The following PTK2 variants were observed in gnomAD, a reference collection of about 807,000 sequenced individuals.
The protein encoded by PTK2 is focal adhesion kinase 1.
In PTK2, 45 loss-of-function variants were observed where a neutral mutation model predicts 150.1. That is an observed-to-expected ratio of 0.30 (90% confidence interval 0.24 to 0.38). PTK2 has a LOEUF of 0.38. Ranked by LOEUF, PTK2 falls within the 10% of genes least tolerant of loss-of-function variation. PTK2 has a pLI of 1.00. For synonymous variants in PTK2, 432 were observed against 449.2 expected, an observed-to-expected ratio of 0.96 and a Z score of 0.48; for missense variants, 919 against 1,307.3, an observed-to-expected ratio of 0.70 and a Z score of 4.58.
intron 26 of PTK2, among the ~76,000 whole-genome samples, chr8:140,695,560 G>A (rs1357473245): frequency 6.6e-6 from 1 of 152,068 alleles, no homozygotes; most frequent in Non-Finnish European, 1.5e-5. Context: ...ACAGGAGAGT[G>A]CCACCACGCC....
In PTK2 at chr8:140,725,844, CAAA is replaced by C. The variant is rs551800761; in HGVS notation, c.2031-8138_2031-8136del. On this transcript the variant is annotated intron_variant, in intron 22 of 31. Transcript: ENST00000522684. ...ATATAATCTAACATTCCTTGATATACAAAAAAAAAAAAAACCCATAAAAATGTG... is the reference window on the plus strand; with the variant it reads ...ATATAATCTAACATTCCTTGATATACAAAAAAAAAAACCCATAAAAATGTG... 9.5e-3 allele frequency among the ~76,000 whole-genome samples: 664 copies of C among 69,924 alleles called. 3 individuals are homozygous for C. The highest frequency in any genetic ancestry group is 0.032 in the African/African-American group (626 of 19,634). The allele number at this position is 69,924 out of a possible 152,430, so 45.9% of individuals were successfully genotyped here. A position where few individuals can be genotyped will look rare whatever the true frequency, so the allele number is the denominator to read the frequency against.
rs1181421194 is a variant in PTK2, at chr8:140,693,564, T to TTAAAAAAAAAAAAAAAAAAAAAA, written c.2500-6871_2500-6870insTTTTTTTTTTTTTTTTTTTTTTA. On this transcript the variant is annotated intron_variant, in intron 26 of 31. Transcript: ENST00000522684. Reference sequence around the variant, plus strand: ...CCACAGAGTGAGACTTTGTCTCAATTAAAAAAAAAAAAAAAAAAAAAAAAA... The same window carrying TTAAAAAAAAAAAAAAAAAAAAAA: ...CCACAGAGTGAGACTTTGTCTCAATTTAAAAAAAAAAAAAAAAAAAAAAAAAAAAAAAAAAAAAAAAAAAAAAA... Among the ~76,000 whole-genome samples, 2 of 72,458 alleles carry TTAAAAAAAAAAAAAAAAAAAAAA rather than the reference T, an allele frequency of 2.8e-5. 1 individual carries two copies. The highest frequency in any genetic ancestry group is 1.2e-4 in the African/African-American group (2 of 16,620). The allele number at this position is 72,458 out of a possible 152,430, so 47.5% of individuals were successfully genotyped here.
intron 2 of PTK2, among the ~76,000 whole-genome samples, chr8:140,910,739 T>C (rs933262344): frequency 1.3e-5 from 2 of 152,192 alleles, no homozygotes; most frequent in African/African-American, 4.8e-5. Context: ...ATGAAGTGAC[T>C]GGACATCTCA....
intron 22 of PTK2, among the ~76,000 whole-genome samples, chr8:140,729,660 A>AT (rs760002916): frequency 3.9e-5 from 6 of 152,200 alleles, no homozygotes; most frequent in South Asian, 4.2e-4. Flanking sequence ...CTGTAATAGT[A>AT]TTTTTTTCCT....
rs1199488380 is a variant in PTK2, at chr8:140,717,579, G to C, written c.2142+19C>G. The C allele has an allele frequency of 6.3e-7, 1 of 1,577,770 alleles. No individual in the cohort carries two copies. The highest frequency in any genetic ancestry group is 8.7e-7 in the Non-Finnish European group (1 of 1,147,078). The stretch of plus-strand genomic sequence containing the variant: ...GTTAGTAAGAGTAACCCCAAAGTTG[G>C]GGTGGGGACTGTAGCTACCTTGGGC... On this transcript the variant is annotated intron_variant, in intron 23 of 31. Coordinates refer to ENST00000522684, the Ensembl canonical transcript of PTK2.
At chr8:140,669,596 C>T in intron 29 of PTK2, 131 bp downstream of exon 33, 3 of 962,426 alleles carry the variant, frequency 3.1e-6, no homozygotes, top group Non-Finnish European at 4.7e-6. Flanking sequence ...ATCTGTCAGT[C>T]ATGAGAGGTG....
At chr8:140,752,781 A>T (rs954108340) in intron 16 of PTK2, among the ~76,000 whole-genome samples, 37 of 152,180 alleles carry the variant, frequency 2.4e-4, no homozygotes, top group African/African-American at 8.9e-4. Flanking sequence ...TATGAGGGGG[A>T]CCTCACTGAG....
chr8:140,870,769 T>C (rs1238230075), intron 4 of PTK2, among the ~76,000 whole-genome samples: 3 of 152,362 alleles, frequency 2.0e-5, no homozygotes, highest in Non-Finnish European at 4.4e-5. Context: ...AATTTTGTCA[T>C]GATATTTAAT....
intron 30 of PTK2, among the ~76,000 whole-genome samples, chr8:140,665,929 G>T (rs890351720): frequency 2.0e-5 from 3 of 152,214 alleles, no homozygotes; most frequent in African/African-American, 7.2e-5. Context: ...TTAAAAAAGT[G>T]AACCAGAATG....
intron 14 of PTK2, among the ~76,000 whole-genome samples, chr8:140,782,766 A>C (rs2100082577): frequency 6.6e-6 from 1 of 152,186 alleles, no homozygotes; most frequent in African/African-American, 2.4e-5. Flanking sequence ...ACTAGAGTGT[A>C]AAACTAGACA....
intron 5 of PTK2, among the ~76,000 whole-genome samples, chr8:140,855,314 C>A (rs895566833): frequency 2.0e-5 from 3 of 151,878 alleles, no homozygotes; most frequent in African/African-American, 7.3e-5. Context: ...AGGGGGGGGT[C>A]GCCACGTGTG....
At chr8:140,670,477 A>C (rs1372982860) in intron 29 of PTK2, among the ~76,000 whole-genome samples, 24 of 67,176 alleles carry the variant, frequency 3.6e-4, no homozygotes, top group African/African-American at 8.4e-4. Flanking sequence ...AAAAAAAAAA[A>C]AAAAAACAAC....
intron 2 of PTK2, among the ~76,000 whole-genome samples, chr8:140,906,703 T>A (rs1300465783): frequency 6.6e-6 from 1 of 152,048 alleles, no homozygotes; most frequent in Admixed American, 6.6e-5. Flanking sequence ...GGTTAAGGGG[T>A]ACAAAAATAT....
chr8:140,898,564 G>A (rs989167307), intron 2 of PTK2, among the ~76,000 whole-genome samples: 3 of 152,138 alleles, frequency 2.0e-5, no homozygotes, highest in African/African-American at 4.8e-5. Context: ...TCCAAGTCCA[G>A]ATGTGAAGAA....
chr8:140,723,603 T>C (rs1370383081), intron 22 of PTK2, among the ~76,000 whole-genome samples: 1 of 152,200 alleles, frequency 6.6e-6, no homozygotes, highest in African/African-American at 2.4e-5. Flanking sequence ...TTTCCCAAAC[T>C]ATAAATATTT....
At chr8:140,710,360 T>C (rs1335988589) in intron 23 of PTK2, among the ~76,000 whole-genome samples, 1 of 146,154 alleles carries the variant, frequency 6.8e-6, no homozygotes, top group African/African-American at 2.5e-5. Context: ...TCTGTATCTA[T>C]ATTTAAAATA....
Position 140,817,187 on chromosome 8 carries a change from A to C in PTK2, c.867+1090T>G, listed in dbSNP as rs529641446. Among the ~76,000 whole-genome samples, 234 of 152,256 alleles carry C rather than the reference A, an allele frequency of 1.5e-3. 2 individuals are homozygous for C. Among genetic ancestry groups the C allele is most frequent in the Non-Finnish European group, 1.8e-3 (120 of 68,016 alleles). On this transcript the variant is annotated intron_variant, in intron 10 of 31. Coordinates refer to ENST00000522684, the Ensembl canonical transcript of PTK2. Reference sequence around the variant, plus strand: ...ATGATGACCCCTTTTCTGAATAACAAAACAGGAATATGAGGAAAAACACAG... The same window carrying C: ...ATGATGACCCCTTTTCTGAATAACACAACAGGAATATGAGGAAAAACACAG...
chr8:140,752,426 G>T, intron 16 of PTK2, 110 bp from the exon 20 acceptor site: 2 of 853,574 alleles, frequency 2.3e-6, no homozygotes, highest in Non-Finnish European at 3.7e-6. Flanking sequence ...GGACCAGACA[G>T]AATCAGAACG....
chr8:140,659,578 T>C, exon 32 of PTK2: 4 of 1,614,148 alleles, frequency 2.5e-6, no homozygotes, highest in Non-Finnish European at 3.4e-6. Context: ...TTGCTTTTTG[T>C]ACTCTTGCTG....
Sources: gnomAD v4.1 joint callset for allele counts (sites outside exome capture counted in the v4.1 genomes callset) on GRCh38, gnomAD v4.1.1 for gene constraint, MANE v1.5 for transcripts, NCBI Gene and HGNC (gene_info 2026-07-23, HGNC 2026-07-21) for gene names.